Variants in PBXIP1 observed in about 807,000 individuals in gnomAD.
PBXIP1 encodes PBX homeobox interacting protein 1, also known as pre-B-cell leukemia transcription factor-interacting protein 1.
PBXIP1 carries 73 observed loss-of-function variants against 73.7 expected under a neutral mutation model. The observed-to-expected ratio is 0.99, with a 90% CI of 0.82 to 1.20. The LOEUF is 1.20. Among genes scored for constraint, PBXIP1 ranks in the 50% most tolerant of loss-of-function variants. PBXIP1 has a pLI of 0.00. For missense variants in PBXIP1, 818 were observed against 911.4 expected, an observed-to-expected ratio of 0.90 and a Z score of 1.32; for synonymous variants, 330 against 366.9, an observed-to-expected ratio of 0.90 and a Z score of 1.15.
At chr1:154,945,503 G>C (rs1451471987) in intron 10 of PBXIP1, 69 bp downstream of exon 10, 1 of 1,471,258 alleles carries the variant, frequency 6.8e-7, no homozygotes, top group Non-Finnish European at 9.3e-7. Context: ...TCAAACTAAT[G>C]ATCCTTGCTC....
At chr1:154,955,378 G>A (rs893333795) in intron 1 of PBXIP1, among the ~76,000 whole-genome samples, 1 of 152,102 alleles carries the variant, frequency 6.6e-6, no homozygotes, top group Non-Finnish European at 1.5e-5. Context: ...CAGGCACCAT[G>A]GCAACCACAG....
intron 2 of PBXIP1, among the ~76,000 whole-genome samples, chr1:154,952,181 C>T (rs1428415310): frequency 6.6e-6 from 1 of 152,170 alleles, no homozygotes; most frequent in African/African-American, 2.4e-5. Context: ...TGAGCTAGAG[C>T]CTACGTTTCC....
chr1:154,951,381 TCA>T lies in PBXIP1; in HGVS notation c.258_259del (p.Asp87CysfsTer62), dbSNP rs773883231. 2 of 1,613,960 alleles carry T rather than the reference TCA, an allele frequency of 1.2e-6. No homozygotes were observed. Among genetic ancestry groups the T allele is most frequent in the Non-Finnish European group, 1.7e-6 (2 of 1,179,988 alleles). On this transcript the variant is annotated frameshift_variant, in exon 5 of 11. Transcript: ENST00000368463. LOFTEE classifies it high-confidence loss of function. The surrounding 1 kb of genome is among the most constrained non-coding windows in gnomAD (Gnocchi z 4.3). ...GCCAGGAGGCTCCACACCACAAACA[TCA>T]CCTTCCAGGGTGCCCTAATGCAGAT...
chr1:154,954,246 C>G (rs944790950), intron 1 of PBXIP1, among the ~76,000 whole-genome samples: 1 of 152,246 alleles, frequency 6.6e-6, no homozygotes, highest in Admixed American at 6.5e-5. Context: ...CAATGGCCTC[C>G]TTCAGCCCTA....
Position 154,946,551 on chromosome 1 carries a change from C to T in PBXIP1, c.1123G>A (p.Glu375Lys). Reference protein sequence around the residue: ...AIREQGPREQEPELSFLKQKE... With the variant: ...AIREQGPREQKPELSFLKQKE... ...TGCTTCAGGAAGCTGAGTTCTGGCT[C>T]CTGCTCCCTGGGGCCTTGCTCCCTG... Residue 375 changes from glutamate to lysine, a missense_variant, in exon 10 of 11, where the codon GAG (glutamate) becomes AAG (lysine). Transcript: ENST00000368463. 4.3e-6 allele frequency: 7 copies of T among 1,612,622 alleles called. No individual in the cohort carries two copies. The highest frequency in any genetic ancestry group is 5.9e-6 in the Non-Finnish European group (7 of 1,180,030).
At position 154,951,508 on chromosome 1, in the gene PBXIP1, T is replaced by C. The variant is rs763969826; in HGVS notation, c.206A>G (p.Gln69Arg). The part of the protein sequence containing the change: ...EGTLFQTESP[Q>R]SGSILTEETE... The stretch of plus-strand genomic sequence containing the variant: ...CTCCTCTGTTAGAATGCTGCCAGAC[T>C]GAGGGCTTTCAGTCTGGAAGAGCGT... The change falls in exon 4 of 11, where the codon CAG becomes CGG. Residue 69 changes from glutamine (Q) to arginine (R), a missense_variant. Physicochemically the swap from Gln to Arg is conservative, Grantham distance 43. Coordinates refer to ENST00000368463, the MANE Select transcript of PBXIP1 (RefSeq NM_020524.4). This position sits in a 1 kb window ranked among gnomAD's most constrained non-coding sequence, Gnocchi z 4.3. The C allele has an allele frequency of 1.2e-6, 2 of 1,614,080 alleles. No individual in the cohort carries two copies. The highest frequency in any genetic ancestry group is 3.3e-5 in the Admixed American group (2 of 60,024).
At chr1:154,948,397 G>A (rs1654905738) in intron 5 of PBXIP1, 31 bp from the exon 6 acceptor site, 1 of 1,449,268 alleles carries the variant, frequency 6.9e-7, no homozygotes, top group African/African-American at 1.4e-5. Flanking sequence ...AGGGCAGTGA[G>A]GTGACTGGAG....
chr1:154,947,863 C>G, intron 7 of PBXIP1, 119 bp downstream of exon 7: 1 of 1,364,686 alleles, frequency 7.3e-7, no homozygotes, highest in South Asian at 1.2e-5. Context: ...GCACCCTGAA[C>G]AGCTGACAAG....
Position 154,951,538 on chromosome 1 carries a change from G to A in PBXIP1, c.179-3C>T, listed in dbSNP as rs757993231. 1 of 1,613,044 alleles carries A rather than the reference G, an allele frequency of 6.2e-7. No individual in the cohort carries two copies. On this transcript the variant is annotated splice_polypyrimidine_tract_variant and splice_region_variant and intron_variant, in intron 3 of 10. Coordinates refer to ENST00000368463, the MANE Select transcript of PBXIP1 (RefSeq NM_020524.4). The surrounding 1 kb of genome is among the most constrained non-coding windows in gnomAD (Gnocchi z 4.3). Reference sequence around the variant, plus strand: ...GCTTTCAGTCTGGAAGAGCGTCCCTGCGGTAGGAGAAAAGGCGCAGAAAAA... The same window carrying A: ...GCTTTCAGTCTGGAAGAGCGTCCCTACGGTAGGAGAAAAGGCGCAGAAAAA...
chr1:154,951,490 G>A lies in PBXIP1; in HGVS notation c.224C>T (p.Thr75Ile), dbSNP rs770859092. 12 of 1,613,934 alleles carry A rather than the reference G, an allele frequency of 7.4e-6. No homozygotes were observed. Among genetic ancestry groups the A allele is most frequent in the African/African-American group, 1.3e-5 (1 of 74,878 alleles). Reference protein sequence around the residue: ...TESPQSGSILTEETEVKGTLE... With the variant: ...TESPQSGSILIEETEVKGTLE... ...CCTCACCTTGACCTCAGTCTCCTCTGTTAGAATGCTGCCAGACTGAGGGCT... is the reference window on the plus strand; with the variant it reads ...CCTCACCTTGACCTCAGTCTCCTCTATTAGAATGCTGCCAGACTGAGGGCT... The change falls in exon 4 of 11, where the codon ACA becomes ATA. Residue 75 changes from threonine (T) to isoleucine (I), a missense_variant. Physicochemically the swap from Thr to Ile is moderately conservative, Grantham distance 89. Transcript: ENST00000368463. The surrounding 1 kb of genome is among the most constrained non-coding windows in gnomAD (Gnocchi z 4.3).
rs778074097 is a variant in PBXIP1 at position 154,951,876 on chromosome 1, C to A, written c.97G>T (p.Glu33Ter). The A allele has an allele frequency of 6.2e-7, 1 of 1,613,338 alleles. No individual in the cohort carries two copies. The highest frequency in any genetic ancestry group is 2.2e-5 in the East Asian group (1 of 44,880). ...GGGGCCTGCAGGGCTCTCTCAGATT[C>A]TGGGTCCATCCTGGATGCCGGGCCC... ...TLGPASRMDPESERALQAPHS... is the reference protein window; with the variant it reads ...TLGPASRMDP The change falls in exon 3 of 11, where the codon GAA becomes TAA. Residue 33 changes from glutamate (E) to a stop codon, truncating the protein, a stop_gained. Coordinates refer to ENST00000368463, the MANE Select transcript of PBXIP1 (RefSeq NM_020524.4). LOFTEE classifies it high-confidence loss of function. The surrounding 1 kb of genome is among the most constrained non-coding windows in gnomAD (Gnocchi z 4.3).
In PBXIP1 at chr1:154,945,266, G is replaced by A. The variant is rs936494220; in HGVS notation, c.2103-149C>T. ...AAAAACCTGGTCTCCCAGGATAAAG[G>A]CTCCAGTCGGGGAGACAGGAAGATG... On this transcript the variant is annotated intron_variant, in intron 10 of 10. Coordinates refer to ENST00000368463, the MANE Select transcript of PBXIP1 (RefSeq NM_020524.4). 9 of 650,872 alleles carry A rather than the reference G, an allele frequency of 1.4e-5. No homozygotes were observed. In the African/African-American group the frequency reaches 1.5e-4, roughly 11 times the overall value. 40.3% of individuals were successfully genotyped at this position (650,872 alleles called of 1,614,324 possible). A position where few individuals can be genotyped will look rare whatever the true frequency, so the allele number is the denominator to read the frequency against.
rs1558040277 is a variant in PBXIP1 at position 154,951,432 on chromosome 1, C to T, written c.244-35G>A. 6.2e-7 allele frequency: 1 copy of T among 1,614,106 alleles called. No individual in the cohort carries two copies. ...ATGCAGCAGTGAGCAGCTGCTAGCC[C>T]TCCCCGCCTCCCTTCCTTCCCACAG... On this transcript the variant is annotated intron_variant, in intron 4 of 10. Transcript: ENST00000368463. The surrounding 1 kb of genome is among the most constrained non-coding windows in gnomAD (Gnocchi z 4.3).
In PBXIP1 at chr1:154,945,725, C is replaced by T. The variant is rs745435353; in HGVS notation, c.1949G>A (p.Arg650His). 63 of 1,614,114 alleles carry T rather than the reference C, an allele frequency of 3.9e-5. No homozygotes were observed. In the Admixed American group the frequency reaches 5.5e-4, roughly 14 times the overall value. ...PAFFGEDGIF[R>H]HDRLRFRDFV... Reference sequence around the variant, plus strand: ...ATCCCGGAAGCGGAGGCGGTCATGACGGAAGATGCCATCCTCACCAAAGAA... The same window carrying T: ...ATCCCGGAAGCGGAGGCGGTCATGATGGAAGATGCCATCCTCACCAAAGAA... Residue 650 changes from arginine (R) to histidine (H), a missense_variant, in exon 10 of 11, where the codon CGT becomes CAT. Arg to His is a conservative substitution (Grantham distance 29, BLOSUM62 0). Transcript: ENST00000368463.
intron 5 of PBXIP1, among the ~76,000 whole-genome samples, chr1:154,949,090 G>A (rs1250893606): frequency 1.3e-5 from 2 of 151,080 alleles, no homozygotes; most frequent in African/African-American, 4.9e-5. Context: ...GTCCACCCCT[G>A]TTCACAACCC....
In PBXIP1 at chr1:154,945,616, G is replaced by A. The variant is rs1265610857; in HGVS notation, c.2058C>T (p.Asp686=). The part of the protein sequence containing the change: ...GDDDEVDDFE[D]FIFSHFFGDK... ...CTCCAAAGAAGTGGCTGAAGATGAAGTCCTCAAAGTCATCTACTTCATCAT... is the reference window on the plus strand; with the variant it reads ...CTCCAAAGAAGTGGCTGAAGATGAAATCCTCAAAGTCATCTACTTCATCAT... The change falls in exon 10 of 11, where the codon GAC becomes GAT. Residue 686 remains aspartate (D), a synonymous_variant. Transcript: ENST00000368463. 1 of 1,614,108 alleles carries A rather than the reference G, an allele frequency of 6.2e-7. No individual in the cohort carries two copies. The highest frequency in any genetic ancestry group is 8.5e-7 in the Non-Finnish European group (1 of 1,179,962).
Position 154,947,558 on chromosome 1 carries a change from G to A in PBXIP1, c.739-10C>T. 1 of 1,603,290 alleles carries A rather than the reference G, an allele frequency of 6.2e-7. No individual in the cohort carries two copies. On this transcript the variant is annotated splice_polypyrimidine_tract_variant and intron_variant, in intron 8 of 10. Transcript: ENST00000368463. ...GTTCCCTTAGCCCATCCTGAGGGCA[G>A]AAGAGCCTGTTATGCCATGCTACCC...
rs1299199331 is a variant in PBXIP1 at position 154,946,051 on chromosome 1, G to C, written c.1623C>G (p.Pro541=). Residue 541 remains proline, a synonymous_variant, in exon 10 of 11, where the codon CCC becomes CCG. Coordinates refer to ENST00000368463, the MANE Select transcript of PBXIP1 (RefSeq NM_020524.4). ...KEGKRQGPKE[P]PRKSGSFHSS... is the part of the protein sequence containing the mutation. ...AGTGGAAGCTACCACTTTTCCTTGG[G>C]GGTTCCTTCGGGCCCTGTCGCTTGC... is the stretch of plus-strand genomic sequence containing the variant. 1.2e-6 allele frequency: 2 copies of C among 1,614,098 alleles called. No homozygotes were observed. The highest frequency in any genetic ancestry group is 1.7e-5 in the Admixed American group (1 of 60,012).
In PBXIP1 at chr1:154,951,218, AG is replaced by A; in HGVS notation, c.409+13del. ...TAGAAGGAGAGTGACAGGAGAGGCA[AG>A]GAAGACTCTCACCTGCTTTGGGGGT... is the stretch of plus-strand genomic sequence containing the variant. On this transcript the variant is annotated intron_variant, in intron 5 of 10. Coordinates refer to ENST00000368463, the MANE Select transcript of PBXIP1 (RefSeq NM_020524.4). This position sits in a 1 kb window ranked among gnomAD's most constrained non-coding sequence, Gnocchi z 4.3. 6.2e-7 allele frequency: 1 copy of A among 1,610,854 alleles called. No homozygotes were observed.
Sources: gnomAD v4.1 joint callset for allele counts (sites outside exome capture counted in the v4.1 genomes callset) on GRCh38, gnomAD v4.1.1 for gene constraint, Gnocchi (gnomAD v3.1) non-coding constraint, MANE v1.5 for transcripts, NCBI Gene and HGNC (gene_info 2026-07-23, HGNC 2026-07-21) for gene names.